Variants in LEF1 observed in about 807,000 individuals in gnomAD.
LEF1 encodes the protein lymphoid enhancer-binding factor 1.
A neutral mutation model predicts 51.2 loss-of-function variants in LEF1; 14 were observed. The observed-to-expected ratio is 0.27, with a 90% CI of 0.18 to 0.43. The LOEUF (loss-of-function observed/expected upper bound fraction) is 0.43. Ranked by LOEUF, LEF1 falls within the 20% of genes least tolerant of loss-of-function variation. The probability of loss-of-function intolerance (pLI) is 1.00; values close to 1 mark genes in which losing one functional copy is unlikely to be tolerated. For missense variants in LEF1, 386 were observed against 512.0 expected (o/e 0.75, Z 2.37); for synonymous variants, 185 against 183.2 (o/e 1.01, Z -0.08).
intron 11 of LEF1, among the ~76,000 whole-genome samples, chr4:108,059,676 T>C (rs1369413126): frequency 6.6e-6 from 1 of 152,062 alleles, no homozygotes; most frequent in Non-Finnish European, 1.5e-5. Context: ...CTGTGTGATA[T>C]TCCACATCAC....
In LEF1 at chr4:108,049,158, C is replaced by CA; in HGVS notation, c.*7-408dup. On this transcript the variant is annotated intron_variant, in intron 11 of 11. Coordinates refer to ENST00000265165, the MANE Select transcript of LEF1 (RefSeq NM_016269.5). ...GTGTTTTTGGTCCACTGTGGGAAGCCACTGTATGATTCTACATAGGACAGA... is the reference window on the plus strand; with the variant it reads ...GTGTTTTTGGTCCACTGTGGGAAGCCAACTGTATGATTCTACATAGGACAGA... Among the ~76,000 whole-genome samples, 4 of 152,282 alleles carry CA rather than the reference C, an allele frequency of 2.6e-5. 1 individual carries two copies. The South Asian group carries it at 8.3e-4, about 32-fold the overall frequency.
chr4:108,079,755 A>G (rs1296879750), intron 6 of LEF1, 141 bp from the exon 7 acceptor site: 1 of 715,710 alleles, frequency 1.4e-6, no homozygotes, highest in Non-Finnish European at 2.2e-6. Flanking sequence ...ACTATAAATT[A>G]GAGTGGGCCG....
chr4:108,064,655 T>TCACACACA (rs59828005), intron 9 of LEF1, among the ~76,000 whole-genome samples: 60 of 127,926 alleles, frequency 4.7e-4, no homozygotes, highest in African/African-American at 1.5e-3. Flanking sequence ...TCTCTCTCAC[T>TCACACACA]CACACACACA....
intron 11 of LEF1, among the ~76,000 whole-genome samples, chr4:108,059,325 T>C (rs985963499): frequency 6.6e-6 from 1 of 152,116 alleles, no homozygotes; most frequent in South Asian, 2.1e-4. Flanking sequence ...TTTAAAGAAA[T>C]GAAAATACAA....
intron 3 of LEF1, among the ~76,000 whole-genome samples, chr4:108,128,185 G>C (rs1334078545): frequency 2.6e-5 from 4 of 152,134 alleles, no homozygotes; most frequent in Non-Finnish European, 5.9e-5. Flanking sequence ...TATTATGAAA[G>C]TGAGAGTATT....
rs1395157073 is a variant in LEF1, at chr4:108,157,185, CA to C, written c.414+6382del. On this transcript the variant is annotated intron_variant, in intron 3 of 11. Coordinates refer to ENST00000265165, the MANE Select transcript of LEF1 (RefSeq NM_016269.5). ...CTCTCTCTCTATATATATATACACA[CA>C]CACACACACACACACACACACACAC... 8.3e-3 allele frequency among the ~76,000 whole-genome samples: 1,205 copies of C among 145,210 alleles called. 15 individuals carry two copies. Among genetic ancestry groups the C allele is most frequent in the African/African-American group, 0.03 (1,130 of 37,922 alleles).
chr4:108,069,515 G>GT (rs1738308401), intron 9 of LEF1, among the ~76,000 whole-genome samples: 1 of 152,158 alleles, frequency 6.6e-6, no homozygotes, highest in South Asian at 2.1e-4. Context: ...AATAGAATAT[G>GT]TGATAGATGC....
chr4:108,111,055 C>A (rs956912342), intron 3 of LEF1, among the ~76,000 whole-genome samples: 6 of 152,204 alleles, frequency 3.9e-5, no homozygotes, highest in African/African-American at 1.4e-4. Context: ...TCTTCCAAGG[C>A]AAAATATAGT....
chr4:108,066,527 C>A (rs929294559), intron 9 of LEF1, among the ~76,000 whole-genome samples: 2 of 152,166 alleles, frequency 1.3e-5, no homozygotes, highest in East Asian at 3.9e-4. Context: ...CTCAGCACCA[C>A]GCTCCCCCAC....
chr4:108,111,185 T>A (rs991385380), intron 3 of LEF1, among the ~76,000 whole-genome samples: 3 of 152,210 alleles, frequency 2.0e-5, no homozygotes, highest in African/African-American at 7.2e-5. Flanking sequence ...TAAGGACAAA[T>A]GAAGAAATGC....
chr4:108,070,795 A>C, intron 8 of LEF1, 25 bp from the exon 9 acceptor site: 1 of 1,511,542 alleles, frequency 6.6e-7, no homozygotes, highest in Non-Finnish European at 9.1e-7. Flanking sequence ...AAGGAAGAAA[A>C]AAACAAAAGT....
chr4:108,123,390 TA>T (rs1343727638), intron 3 of LEF1, among the ~76,000 whole-genome samples: 1 of 150,660 alleles, frequency 6.6e-6, no homozygotes, highest in Non-Finnish European at 1.5e-5. Flanking sequence ...GCCTTTACTC[TA>T]AAGATATAGC....
In LEF1 at chr4:108,118,287, C is replaced by G. The variant is rs926506570; in HGVS notation, c.415-29030G>C. Among the ~76,000 whole-genome samples the G allele has an allele frequency of 2.6e-5, 4 of 152,306 alleles. No individual in the cohort carries two copies. The East Asian group carries it at 5.8e-4, about 22-fold the overall frequency. On this transcript the variant is annotated intron_variant, in intron 3 of 11. Coordinates refer to ENST00000265165, the MANE Select transcript of LEF1 (RefSeq NM_016269.5). ...GGTGGCAAAGAATTCATGCTTTCAT[C>G]TCTAGTCATCTTTTCACAAATCTAC...
chr4:108,128,863 T>G (rs1464236440), intron 3 of LEF1, among the ~76,000 whole-genome samples: 1 of 152,004 alleles, frequency 6.6e-6, no homozygotes, highest in East Asian at 1.9e-4. Context: ...TTAATAGAGA[T>G]TAAAAGACAA....
At chr4:108,052,082 G>A (rs1415695453) in intron 11 of LEF1, among the ~76,000 whole-genome samples, 3 of 152,184 alleles carry the variant, frequency 2.0e-5, no homozygotes, top group Non-Finnish European at 4.4e-5. Flanking sequence ...AAGGGCCAAG[G>A]AGACAAGTCT....
chr4:108,096,709 C>T (rs1182596177), intron 3 of LEF1, among the ~76,000 whole-genome samples: 6 of 152,150 alleles, frequency 3.9e-5, no homozygotes, highest in Admixed American at 3.9e-4. Flanking sequence ...GGATTAATAA[C>T]TAGAATATGT....
chr4:108,092,548 A>T (rs901313307), intron 3 of LEF1, among the ~76,000 whole-genome samples: 1 of 152,200 alleles, frequency 6.6e-6, no homozygotes, highest in Non-Finnish European at 1.5e-5. Flanking sequence ...GTGCACACAC[A>T]AAGTGAGAAC....
intron 3 of LEF1, among the ~76,000 whole-genome samples, chr4:108,105,079 A>G (rs744369): frequency 0.57 from 86,883 of 151,878 alleles, 25,266 homozygotes; most frequent in Middle Eastern, 0.72. Context: ...TAACCTGGAA[A>G]CGATACATAT....
intron 3 of LEF1, among the ~76,000 whole-genome samples, chr4:108,159,783 C>T (rs1028636582): frequency 6.6e-6 from 1 of 152,106 alleles, no homozygotes; most frequent in African/African-American, 2.4e-5. Flanking sequence ...CACAACAGAA[C>T]TAAGTTATAC....
Sources: allele counts gnomAD v4.1 joint callset (sites outside exome capture counted in the v4.1 genomes callset), GRCh38; gene constraint gnomAD v4.1.1; transcripts MANE v1.5; gene names NCBI Gene and HGNC (gene_info 2026-07-23, HGNC 2026-07-21).